Variants in FOXO3B observed in about 807,000 individuals in gnomAD.
The protein encoded by FOXO3B is forkhead box protein O3B.
A neutral mutation model predicts 21.9 loss-of-function variants in FOXO3B; 15 were observed. The observed-to-expected ratio is 0.68, with a 90% CI of 0.46 to 1.05. The LOEUF is 1.05. Among genes scored for constraint, FOXO3B ranks in the 50% least tolerant of loss-of-function variants. FOXO3B has a pLI of 0.00. For missense variants in FOXO3B, 293 were observed against 435.5 expected (o/e 0.67, Z 2.91); for synonymous variants, 135 against 213.6 (o/e 0.63, Z 3.21).
chr17:18,672,010 C>T lies in FOXO3B; in HGVS notation c.*299G>A. On this transcript the variant is annotated 3_prime_UTR_variant, in exon 4 of 4. Coordinates refer to ENST00000395675, the MANE Select transcript of FOXO3B (RefSeq NM_001368135.1). This position sits in a 1 kb window ranked among gnomAD's most constrained non-coding sequence, Gnocchi z 4.2. ...ATTGGTGCGTGAACGGAAGTCCGTCCACGCATCCAGCTCATCACTGCTGCG... is the reference window on the plus strand; with the variant it reads ...ATTGGTGCGTGAACGGAAGTCCGTCTACGCATCCAGCTCATCACTGCTGCG... The T allele has an allele frequency of 6.2e-7, 1 of 1,611,924 alleles. No individual in the cohort carries two copies. The highest frequency in any genetic ancestry group is 1.1e-5 in the South Asian group (1 of 90,810).
In FOXO3B at chr17:18,672,941, C is replaced by A. The variant is rs1219097481; in HGVS notation, c.241G>T (p.Gly81Trp). The change falls in exon 4 of 4, where the codon GGG becomes TGG. Residue 81 changes from glycine (G) to tryptophan (W), a missense_variant. By Grantham distance (184) the Gly-to-Trp change is radical (BLOSUM62 -2). Transcript: ENST00000395675. This position sits in a 1 kb window ranked among gnomAD's most constrained non-coding sequence, Gnocchi z 4.2. ...EESARTPAAA[G>W]RAAKMAEAPA... ...GCCTCTGCCATCTTCGCCGCCCGCC[C>A]GGCCGCGGCTGGGGTTCTCGCGCTC... 4.0e-6 allele frequency: 6 copies of A among 1,501,736 alleles called. No individual in the cohort carries two copies. Among genetic ancestry groups the A allele is most frequent in the Non-Finnish European group, 4.5e-6 (5 of 1,116,776 alleles). 93.0% of individuals were successfully genotyped at this position (1,501,736 alleles called of 1,614,324 possible).
intron 3 of FOXO3B, among the ~76,000 whole-genome samples, chr17:18,676,374 T>C (rs1349330086): frequency 3.3e-5 from 5 of 152,198 alleles, no homozygotes; most frequent in African/African-American, 7.2e-5. Flanking sequence ...AAAAAAAGGA[T>C]GATCACTGCA....
At position 18,672,199 on chromosome 17, in the gene FOXO3B, C is replaced by T; in HGVS notation, c.*110G>A. 6.2e-7 allele frequency: 1 copy of T among 1,613,562 alleles called. No individual in the cohort carries two copies. The highest frequency in any genetic ancestry group is 8.5e-7 in the Non-Finnish European group (1 of 1,179,538). On this transcript the variant is annotated 3_prime_UTR_variant, in exon 4 of 4. Transcript: ENST00000395675. The surrounding 1 kb of genome is among the most constrained non-coding windows in gnomAD (Gnocchi z 4.2). ...AGCCCGCCGCCGGGGGGCTTTTCCG[C>T]TCTTCCCCCCATCAGGGTTGATGAT...
In FOXO3B at chr17:18,675,768, C is replaced by T. The variant is rs1050821446; in HGVS notation, c.127-2713G>A. 7.2e-5 allele frequency among the ~76,000 whole-genome samples: 11 copies of T among 151,894 alleles called. No individual in the cohort carries two copies. In the East Asian group the frequency reaches 1.2e-3, roughly 16 times the overall value. On this transcript the variant is annotated intron_variant, in intron 3 of 3. Transcript: ENST00000395675. ...ATGCTGGACTTATTGGCTTTCAGCA[C>T]GGAAAAAGACAAAATTAGTTTTCCC... is the stretch of plus-strand genomic sequence containing the variant.
chr17:18,668,186 C>T lies in FOXO3B; in HGVS notation c.*4123G>A, dbSNP rs1202658782. The T allele has an allele frequency of 6.6e-6, 1 of 152,440 alleles. No homozygotes were observed. The highest frequency in any genetic ancestry group is 1.9e-4 in the East Asian group (1 of 5,192). The allele number at this position is 152,440 out of a possible 1,614,324, so 9.4% of individuals were successfully genotyped here. ...CTACCAGATTCTCAGCTGACCCTCT[C>T]CAGGGGCTGGTGGGTCTCGCAGTAC... On this transcript the variant is annotated 3_prime_UTR_variant, in exon 4 of 4. Transcript: ENST00000395675.
chr17:18,675,205 G>A (rs559254019), intron 3 of FOXO3B, among the ~76,000 whole-genome samples: 1 of 150,738 alleles, frequency 6.6e-6, no homozygotes, highest in African/African-American at 2.5e-5. Flanking sequence ...AGTAAACAGA[G>A]GCAAATATAT....
chr17:18,671,125 C>G lies in FOXO3B; in HGVS notation c.*1184G>C, dbSNP rs987300363. ...CTGGGGAACTTCTCATGGCCCATGACGGGCAGGTTTGCACTAGTTGAGTAC... is the reference window on the plus strand; with the variant it reads ...CTGGGGAACTTCTCATGGCCCATGAGGGGCAGGTTTGCACTAGTTGAGTAC... On this transcript the variant is annotated 3_prime_UTR_variant, in exon 4 of 4. Transcript: ENST00000395675. 6.4e-6 allele frequency: 6 copies of G among 941,518 alleles called. No homozygotes were observed. The highest frequency in any genetic ancestry group is 1.0e-5 in the Non-Finnish European group (6 of 583,606). 58.3% of individuals were successfully genotyped at this position (941,518 alleles called of 1,614,324 possible). A position where few individuals can be genotyped will look rare whatever the true frequency, so the allele number is the denominator to read the frequency against.
chr17:18,678,535 T>C (rs1321198694), intron 3 of FOXO3B, among the ~76,000 whole-genome samples: 1 of 151,980 alleles, frequency 6.6e-6, no homozygotes, highest in Non-Finnish European at 1.5e-5. Context: ...TTTTTAAAAA[T>C]CTAACAAATC....
chr17:18,672,520 G>A lies in FOXO3B; in HGVS notation c.662C>T (p.Pro221Leu), dbSNP rs895945886. ...GGAGCCCCCAGCCGCCCCCGGCTGC[G>A]GCGGTGGCAGCGGTTGCTGAGGCTG... ...LLQPQQPLPP[P>L]QPGAAGGSGQ... is the part of the protein sequence containing the mutation. The change falls in exon 4 of 4, where the codon CCG (proline) becomes CTG (leucine). Residue 221 changes from proline (P) to leucine (L), a missense_variant. Pro to Leu is a moderately conservative substitution (Grantham distance 98). This residue lies in a region of FOXO3B where 251 missense variants were observed against 404.0 expected (regional missense o/e 0.62). Transcript: ENST00000395675. The surrounding 1 kb of genome is among the most constrained non-coding windows in gnomAD (Gnocchi z 4.2). 3 of 1,505,522 alleles carry A rather than the reference G, an allele frequency of 2.0e-6. No homozygotes were observed. Among genetic ancestry groups the A allele is most frequent in the African/African-American group, 1.4e-5 (1 of 70,184 alleles). 93.3% of individuals were successfully genotyped at this position (1,505,522 alleles called of 1,614,324 possible). A position where few individuals can be genotyped will look rare whatever the true frequency, so the allele number is the denominator to read the frequency against.
intron 3 of FOXO3B, chr17:18,677,397 T>C (rs1597496882): frequency 6.2e-7 from 1 of 1,614,070 alleles, no homozygotes; most frequent in East Asian, 2.2e-5. Flanking sequence ...CAAGAGGGAC[T>C]GGACGGCTGA....
chr17:18,677,118 A>T, intron 3 of FOXO3B: 2 of 686,264 alleles, frequency 2.9e-6, no homozygotes, highest in Middle Eastern at 4.0e-4. Flanking sequence ...AGTGTTGACA[A>T]GCATGTGGAA....
chr17:18,680,842 A>G lies in FOXO3B; in HGVS notation c.38-13T>C. On this transcript the variant is annotated splice_polypyrimidine_tract_variant and intron_variant, in intron 2 of 3. Coordinates refer to ENST00000395675, the MANE Select transcript of FOXO3B (RefSeq NM_001368135.1). ...TGGGAAGACAGAACTAACGACAAGA[A>G]AGCAGTAATGATGAGACCTAGGCTT... The G allele has an allele frequency of 6.3e-7, 1 of 1,590,934 alleles. No homozygotes were observed. The highest frequency in any genetic ancestry group is 8.6e-7 in the Non-Finnish European group (1 of 1,164,294).
chr17:18,679,340 G>A (rs2032544224), intron 3 of FOXO3B, among the ~76,000 whole-genome samples: 1 of 151,840 alleles, frequency 6.6e-6, no homozygotes, highest in African/African-American at 2.4e-5. Context: ...TGAATGTGCA[G>A]TATCTACTTT....
chr17:18,674,484 G>C (rs1174309865), intron 3 of FOXO3B, among the ~76,000 whole-genome samples: 2 of 150,512 alleles, frequency 1.3e-5, no homozygotes, highest in African/African-American at 4.9e-5. Context: ...AAATTAGCCG[G>C]GTGTGGTGGC....
rs1364386136 is a variant in FOXO3B at position 18,673,060 on chromosome 17, G to T, written c.127-5C>A. 6.8e-7 allele frequency: 1 copy of T among 1,463,038 alleles called. No homozygotes were observed. Among genetic ancestry groups the T allele is most frequent in the Admixed American group, 2.3e-5 (1 of 42,848 alleles). The allele number at this position is 1,463,038 out of a possible 1,614,324, so 90.6% of individuals were successfully genotyped here. On this transcript the variant is annotated splice_region_variant and splice_polypyrimidine_tract_variant and intron_variant, in intron 3 of 3. Transcript: ENST00000395675. Reference sequence around the variant, plus strand: ...CGCCGCCGCCGCCGCCGCCGCCTGGGGAAGCACGAGAGAAGAGAGAAGGAG... The same window carrying T: ...CGCCGCCGCCGCCGCCGCCGCCTGGTGAAGCACGAGAGAAGAGAGAAGGAG...
At position 18,682,023 on chromosome 17, in the gene FOXO3B, G is replaced by A. The variant is rs1383961422; in HGVS notation, c.-195-177C>T. On this transcript the variant is annotated intron_variant, in intron 1 of 3. Coordinates refer to ENST00000395675, the MANE Select transcript of FOXO3B (RefSeq NM_001368135.1). ...CCAGGACCCCGCGACCACCCCGCCCGTGGCACAACCGCGTCCCCCGAGGAG... is the reference window on the plus strand; with the variant it reads ...CCAGGACCCCGCGACCACCCCGCCCATGGCACAACCGCGTCCCCCGAGGAG... 5 of 602,256 alleles carry A rather than the reference G, an allele frequency of 8.3e-6. No homozygotes were observed. In the Admixed American group the frequency reaches 8.5e-5, roughly 10 times the overall value. 37.3% of individuals were successfully genotyped at this position (602,256 alleles called of 1,614,324 possible).
In FOXO3B at chr17:18,675,547, T is replaced by A. The variant is rs1029812625; in HGVS notation, c.127-2492A>T. Reference sequence around the variant, plus strand: ...TCAATATTCAAAAGTATAACTTTTTTAAAAATAATAATATCCAGGAAGGAT... The same window carrying A: ...TCAATATTCAAAAGTATAACTTTTTAAAAAATAATAATATCCAGGAAGGAT... On this transcript the variant is annotated intron_variant, in intron 3 of 3. Coordinates refer to ENST00000395675, the MANE Select transcript of FOXO3B (RefSeq NM_001368135.1). 5.9e-5 allele frequency among the ~76,000 whole-genome samples: 9 copies of A among 152,066 alleles called. No individual in the cohort carries two copies. The East Asian group carries it at 7.7e-4, about 13-fold the overall frequency.
At position 18,669,620 on chromosome 17, in the gene FOXO3B, A is replaced by G. The variant is rs2032326372; in HGVS notation, c.*2689T>C. On this transcript the variant is annotated 3_prime_UTR_variant, in exon 4 of 4. Transcript: ENST00000395675. Reference sequence around the variant, plus strand: ...CCATAACTTTTTGAAAACACAACAAAATGAAATCCACAGAAGCAGAAAAAA... The same window carrying G: ...CCATAACTTTTTGAAAACACAACAAGATGAAATCCACAGAAGCAGAAAAAA... 2.0e-5 allele frequency among the ~76,000 whole-genome samples: 3 copies of G among 152,206 alleles called. No individual in the cohort carries two copies. Among genetic ancestry groups the G allele is most frequent in the Admixed American group, 2.0e-4 (3 of 15,284 alleles).
chr17:18,677,761 G>A, intron 3 of FOXO3B: 1 of 1,496,564 alleles, frequency 6.7e-7, no homozygotes, highest in African/African-American at 1.4e-5. Flanking sequence ...CGGCTGTAGT[G>A]GGCTCTCTTC....
Sources: gnomAD v4.1 joint callset for allele counts (sites outside exome capture counted in the v4.1 genomes callset) on GRCh38, gnomAD v4.1.1 for gene constraint, gnomAD v4.1.1 regional missense constraint, Gnocchi (gnomAD v3.1) non-coding constraint, MANE v1.5 for transcripts, NCBI Gene and HGNC (gene_info 2026-07-23, HGNC 2026-07-21) for gene names.